The following GARIN1B variants were observed in gnomAD, a reference collection of about 807,000 sequenced individuals.
GARIN1B encodes Golgi-associated RAB2 interactor protein 1B.
chr7:128,710,990 G>A, the GARIN1B span, among the ~76,000 whole-genome samples: 3 of 151,792 alleles, frequency 2.0e-5, no homozygotes, highest in Admixed American at 6.6e-5. Context: ...TACCTCTTTC[G>A]GTCTTAATTT....
chr7:128,712,268 G>T, the GARIN1B span, among the ~76,000 whole-genome samples: 1 of 152,092 alleles, frequency 6.6e-6, no homozygotes, highest in Admixed American at 6.5e-5. Flanking sequence ...TTTTGTAGGG[G>T]TTTTAATTTT....
the GARIN1B span, chr7:128,714,040 T>C: frequency 6.5e-7 from 1 of 1,535,150 alleles, no homozygotes; most frequent in Non-Finnish European, 8.7e-7. Flanking sequence ...AAAGTGAGGT[T>C]GGAAGTTGGT....
the GARIN1B span, chr7:128,714,033 G>T: frequency 6.5e-7 from 1 of 1,535,042 alleles, no homozygotes. Flanking sequence ...AATGAGAAAA[G>T]TGAGGTTGGA....
the GARIN1B span, chr7:128,715,611 G>T: frequency 6.2e-7 from 1 of 1,614,166 alleles, no homozygotes; most frequent in Non-Finnish European, 8.5e-7. Context: ...GTGGAGGAGG[G>T]ACTGCTCTGC....
chr7:128,729,825 C>A, the GARIN1B span: 29 of 1,477,506 alleles, frequency 2.0e-5, no homozygotes, highest in Non-Finnish European at 2.0e-5. Flanking sequence ...CGTAAGCACC[C>A]CCCCAAATGT....
the GARIN1B span, among the ~76,000 whole-genome samples, chr7:128,718,404 C>T: frequency 6.8e-6 from 1 of 147,914 alleles, no homozygotes; most frequent in Admixed American, 6.7e-5. Flanking sequence ...TGCACTCCAG[C>T]CTGGGCAACA....
At chr7:128,715,573 A>G in the GARIN1B span, 2 of 1,614,108 alleles carry the variant, frequency 1.2e-6, no homozygotes, top group South Asian at 2.2e-5. Flanking sequence ...CTGTGGATGG[A>G]GAGCCGAACC....
At chr7:128,715,998 G>C in the GARIN1B span, among the ~76,000 whole-genome samples, 1 of 152,190 alleles carries the variant, frequency 6.6e-6, no homozygotes, top group Non-Finnish European at 1.5e-5. Flanking sequence ...GATGAACAAA[G>C]AGGCAGTAAA....
chr7:128,709,282 A>G, the GARIN1B span: 2 of 152,222 alleles, frequency 1.3e-5, no homozygotes, highest in South Asian at 2.1e-4. Flanking sequence ...CATCTTAAGT[A>G]GTACAGCTTC....
At chr7:128,721,309 T>G in the GARIN1B span, among the ~76,000 whole-genome samples, 2 of 152,198 alleles carry the variant, frequency 1.3e-5, no homozygotes, top group African/African-American at 2.4e-5. Context: ...ATTCTGCAAG[T>G]TCTGCACTTA....
the GARIN1B span, among the ~76,000 whole-genome samples, chr7:128,710,593 T>G: frequency 6.6e-6 from 1 of 152,248 alleles, no homozygotes; most frequent in Non-Finnish European, 1.5e-5. Flanking sequence ...TGTTGCTGAC[T>G]CAGTTTTCTG....
the GARIN1B span, among the ~76,000 whole-genome samples, chr7:128,725,564 G>C: frequency 6.6e-6 from 1 of 152,074 alleles, no homozygotes; most frequent in Admixed American, 6.6e-5. Context: ...TAGAGATGGG[G>C]TTTCACCATG....
the GARIN1B span, among the ~76,000 whole-genome samples, chr7:128,723,874 C>T: frequency 6.6e-6 from 1 of 152,140 alleles, no homozygotes; most frequent in African/African-American, 2.4e-5. Context: ...CCTTGTTCTT[C>T]TTCTCCACAC....
the GARIN1B span, among the ~76,000 whole-genome samples, chr7:128,709,558 A>G: frequency 6.6e-6 from 1 of 152,030 alleles, no homozygotes; most frequent in Non-Finnish European, 1.5e-5. Flanking sequence ...CCATTGTTTC[A>G]TTGTCCTATG....
chr7:128,717,819 A>G, the GARIN1B span, among the ~76,000 whole-genome samples: 16 of 151,930 alleles, frequency 1.1e-4, 1 homozygote, highest in South Asian at 1.7e-3. Flanking sequence ...TGTAGCATAT[A>G]GTGACATCAT....
the GARIN1B span, chr7:128,730,155 G>C: frequency 7.0e-7 from 1 of 1,437,188 alleles, no homozygotes; most frequent in South Asian, 1.3e-5. Context: ...GGGTCCTGAG[G>C]GTGATTCCAG....
At chr7:128,730,604 G>A in the GARIN1B span, among the ~76,000 whole-genome samples, 1 of 152,078 alleles carries the variant, frequency 6.6e-6, no homozygotes, top group Admixed American at 6.6e-5. Flanking sequence ...CTAAAAGGGA[G>A]GGGTGATTTC....
chr7:128,716,965 A>C, the GARIN1B span: 1 of 1,613,350 alleles, frequency 6.2e-7, no homozygotes, highest in East Asian at 2.2e-5. Flanking sequence ...CATGGAACAG[A>C]CCATCCATAG....
chr7:128,716,670 T>C, the GARIN1B span: 1 of 597,584 alleles, frequency 1.7e-6, no homozygotes. Context: ...CTAAGCATTC[T>C]TTAGTGTGCA....
Sources: gnomAD v4.1 joint callset for allele counts (sites outside exome capture counted in the v4.1 genomes callset) on GRCh38, gnomAD v4.1.1 for gene constraint, MANE v1.5 for transcripts, NCBI Gene and HGNC (gene_info 2026-07-23, HGNC 2026-07-21) for gene names.